MYRF: variants seen among roughly 807,000 people sequenced by gnomAD.
MYRF encodes the protein myelin gene regulatory factor.
In MYRF, 16 loss-of-function variants were observed where a neutral mutation model predicts 126.3. The observed-to-expected ratio is 0.13, with a 90% confidence interval of 0.09 to 0.19. MYRF has a LOEUF of 0.19. MYRF is among the 10% of genes least tolerant of loss of function. The pLI is 1.00. For synonymous variants in MYRF, 608 were observed against 635.3 expected, an observed-to-expected ratio of 0.96 and a Z score of 0.65; for missense variants, 1,104 against 1,547.0, an observed-to-expected ratio of 0.71 and a Z score of 4.80.
At chr11:61,773,878 A>C in intron 7 of MYRF, 89 bp from the exon 8 acceptor site, 1 of 1,132,552 alleles carries the variant, frequency 8.8e-7, no homozygotes, top group South Asian at 1.5e-5. Flanking sequence ...TGGTGTGGGA[A>C]ATGGTTTTGG....
At chr11:61,769,549 C>T (rs1316981700) in intron 4 of MYRF, among the ~76,000 whole-genome samples, 4 of 152,176 alleles carry the variant, frequency 2.6e-5, no homozygotes, top group East Asian at 1.9e-4. Flanking sequence ...CCCGCCTGCC[C>T]GCCTGCGCCA....
rs1251408586 is a variant in MYRF at position 61,777,829 on chromosome 11, C to T, written c.1887C>T (p.Ala629=). 10 of 1,552,146 alleles carry T rather than the reference C, an allele frequency of 6.4e-6. No individual in the cohort carries two copies. Among genetic ancestry groups the T allele is most frequent in the Non-Finnish European group, 8.7e-6 (10 of 1,147,486 alleles). ...PEFAASAGIE[A]TAPETGVIAQ... is the part of the protein sequence containing the mutation. The stretch of plus-strand genomic sequence containing the variant: ...TCGCCGCCAGCGCGGGCATCGAGGC[C>T]ACCGCGCCAGAGACAGGTAGGGACC... The change falls in exon 13 of 27, where the codon GCC becomes GCT. Residue 629 remains alanine, a synonymous_variant. Transcript: ENST00000278836. The surrounding 1 kb of genome is among the most constrained non-coding windows in gnomAD (Gnocchi z 8.8).
In MYRF at chr11:61,765,631, A is replaced by G. The variant is rs771816768; in HGVS notation, c.53A>G (p.Asp18Gly). ...EALQRFFEGHDINGALEPSNI... is the reference protein window; with the variant it reads ...EALQRFFEGHGINGALEPSNI... ...CATCTCTCCTGCCCTGCAGGCCACG[A>G]CATCAACGGTGCCCTGGAGCCCTCC... Residue 18 changes from aspartate to glycine, a missense_variant, in exon 2 of 27, where the codon GAC (aspartate) becomes GGC (glycine). By Grantham distance (94) the Asp-to-Gly change is moderately conservative. This residue lies in a region of MYRF where 368 missense variants were observed against 403.9 expected (regional missense o/e 0.91). Transcript: ENST00000278836. The G allele has an allele frequency of 5.6e-6, 9 of 1,612,374 alleles. No individual in the cohort carries two copies. The East Asian group carries it at 1.8e-4, about 32-fold the overall frequency.
At chr11:61,782,077 G>C (rs2066567362) in intron 22 of MYRF, 1 of 459,100 alleles carries the variant, frequency 2.2e-6, no homozygotes, top group Admixed American at 3.9e-5. Context: ...GGAGACTAAG[G>C]TGAAGTGACC....
At chr11:61,755,628 T>C in intron 1 of MYRF, 1 of 756,376 alleles carries the variant, frequency 1.3e-6, no homozygotes, top group Non-Finnish European at 2.4e-6. Flanking sequence ...AAGTCCTTTT[T>C]CCTCACCTGC....
chr11:61,755,390 A>G lies in MYRF; in HGVS notation c.46+2600A>G, dbSNP rs762645062. On this transcript the variant is annotated intron_variant, in intron 1 of 26. Transcript: ENST00000278836. ...GGCAAGGCAGCCCAGATCGGCGGGC[A>G]CAGGGCCTGCAGAGAGGGGACCCAC... is the stretch of plus-strand genomic sequence containing the variant. The G allele has an allele frequency of 1.2e-5, 20 of 1,600,162 alleles. No individual in the cohort carries two copies. In the South Asian group the frequency reaches 2.1e-4, roughly 17 times the overall value.
intron 1 of MYRF, among the ~76,000 whole-genome samples, chr11:61,761,521 T>G (rs890221746): frequency 6.6e-6 from 1 of 152,152 alleles, no homozygotes; most frequent in African/African-American, 2.4e-5. Context: ...ATAAAGGGCC[T>G]AATTAATGAG....
At chr11:61,754,649 G>T (rs538516554) in intron 1 of MYRF, among the ~76,000 whole-genome samples, 1 of 152,220 alleles carries the variant, frequency 6.6e-6, no homozygotes, top group African/African-American at 2.4e-5. Flanking sequence ...CCATGGGTTG[G>T]GGGGTGGGGG....
intron 19 of MYRF, 28 bp downstream of exon 19, chr11:61,780,820 C>T (rs1432111004): frequency 6.5e-7 from 1 of 1,549,204 alleles, no homozygotes. Flanking sequence ...CCCCTCTCCT[C>T]TGGCTCCTGC....
In MYRF at chr11:61,783,827, A is replaced by G; in HGVS notation, c.3120-24A>G. The G allele has an allele frequency of 6.3e-7, 1 of 1,580,700 alleles. No homozygotes were observed. The highest frequency in any genetic ancestry group is 2.3e-5 in the East Asian group (1 of 43,488). On this transcript the variant is annotated intron_variant, in intron 23 of 26. Transcript: ENST00000278836. The surrounding 1 kb of genome is among the most constrained non-coding windows in gnomAD (Gnocchi z 4.6). ...GGGGGTGGCAGGGTACCCTCAGGCTAAGGTGCCAGTTTTGCCCCTGCAGGC... is the reference window on the plus strand; with the variant it reads ...GGGGGTGGCAGGGTACCCTCAGGCTGAGGTGCCAGTTTTGCCCCTGCAGGC...
rs1460212771 is a variant in MYRF, at chr11:61,776,144, A to G, written c.1388+12A>G. ...TTCAACCCGGTCACGTGAGTGTCTG[A>G]CCCTGTTGGGGGTGGTACCTAGAAG... On this transcript the variant is annotated intron_variant, in intron 9 of 26. Transcript: ENST00000278836. The surrounding 1 kb of genome is among the most constrained non-coding windows in gnomAD (Gnocchi z 4.3). 3 of 1,613,678 alleles carry G rather than the reference A, an allele frequency of 1.9e-6. No homozygotes were observed. The highest frequency in any genetic ancestry group is 2.5e-6 in the Non-Finnish European group (3 of 1,179,822).
intron 3 of MYRF, 176 bp downstream of exon 3, chr11:61,766,397 T>A: frequency 1.6e-6 from 1 of 638,362 alleles, no homozygotes; most frequent in Non-Finnish European, 2.5e-6. Flanking sequence ...GGGGGACTCC[T>A]GGGCTTTGTT....
rs1319732478 is a variant in MYRF at position 61,777,854 on chromosome 11, C to A, written c.1903+9C>A. ...CACCGCGCCAGAGACAGGTAGGGAC[C>A]GGGCTGGTGCGGACTGGGGTCCGGA... is the stretch of plus-strand genomic sequence containing the variant. On this transcript the variant is annotated intron_variant, in intron 13 of 26. Coordinates refer to ENST00000278836, the MANE Select transcript of MYRF (RefSeq NM_001127392.3). The surrounding 1 kb of genome is among the most constrained non-coding windows in gnomAD (Gnocchi z 8.8). 4 of 1,549,438 alleles carry A rather than the reference C, an allele frequency of 2.6e-6. No individual in the cohort carries two copies. Among genetic ancestry groups the A allele is most frequent in the East Asian group, 2.4e-5 (1 of 40,934 alleles).
intron 1 of MYRF, among the ~76,000 whole-genome samples, chr11:61,761,768 C>T (rs2065907458): frequency 6.6e-6 from 1 of 152,272 alleles, no homozygotes; most frequent in Non-Finnish European, 1.5e-5. Flanking sequence ...GGCACATGCC[C>T]ATCCTTTCTG....
intron 5 of MYRF, 132 bp from the exon 6 acceptor site, chr11:61,771,361 GGGCTTCC>G: frequency 5.9e-6 from 7 of 1,182,010 alleles, no homozygotes; most frequent in Admixed American, 5.3e-5. Flanking sequence ...CAAAGCCTGA[GGGCTTCC>G]TGAAGGAGGT....
Position 61,770,289 on chromosome 11 carries a change from C to T in MYRF, c.504C>T (p.His168=), listed in dbSNP as rs769495161. ...LRTITPETLC[H]VGVPSRLEHP... ...CGATAACCCCTGAGACACTGTGCCA[C>T]GTGGGAGTGCCCTCCCGCCTGGAGC... Residue 168 remains histidine (H), a synonymous_variant, in exon 5 of 27, where the codon CAC becomes CAT. Transcript: ENST00000278836. 9 of 1,607,746 alleles carry T rather than the reference C, an allele frequency of 5.6e-6. No individual in the cohort carries two copies. The highest frequency in any genetic ancestry group is 2.2e-5 in the South Asian group (2 of 90,410).
In MYRF at chr11:61,776,512, C is replaced by A; in HGVS notation, c.1499+80C>A. 1 of 1,154,576 alleles carries A rather than the reference C, an allele frequency of 8.7e-7. No homozygotes were observed. The highest frequency in any genetic ancestry group is 2.1e-5 in the Admixed American group (1 of 48,704). The allele number at this position is 1,154,576 out of a possible 1,614,324, so 71.5% of individuals were successfully genotyped here. On this transcript the variant is annotated intron_variant, in intron 10 of 26. Transcript: ENST00000278836. This position sits in a 1 kb window ranked among gnomAD's most constrained non-coding sequence, Gnocchi z 4.3. ...ACTGCCCTGGGTGGCACACCAGGCA[C>A]AGAGTCCTACAGGCTGAGCCATTTC...
chr11:61,762,242 G>A (rs1226918974), intron 1 of MYRF, among the ~76,000 whole-genome samples: 4 of 152,088 alleles, frequency 2.6e-5, no homozygotes, highest in African/African-American at 7.2e-5. Flanking sequence ...AAGGCTGTCG[G>A]GGGCAGGCAG....
chr11:61,767,332 C>T (rs1011398314), intron 3 of MYRF: 3 of 456,550 alleles, frequency 6.6e-6, no homozygotes, highest in African/African-American at 2.0e-5. Flanking sequence ...CCTATGATTG[C>T]GTGAGCTCAT....
Sources: gnomAD v4.1 joint callset for allele counts (sites outside exome capture counted in the v4.1 genomes callset) on GRCh38, gnomAD v4.1.1 for gene constraint, gnomAD v4.1.1 regional missense constraint, Gnocchi (gnomAD v3.1) non-coding constraint, MANE v1.5 for transcripts, NCBI Gene and HGNC (gene_info 2026-07-23, HGNC 2026-07-21) for gene names.